The following AGAP3 variants were observed in gnomAD, a reference collection of about 807,000 sequenced individuals.
AGAP3 encodes the protein ArfGAP with GTPase domain, ankyrin repeat and PH domain 3.
AGAP3 carries 24 observed loss-of-function variants against 96.9 expected under a neutral mutation model. The ratio of observed to expected loss-of-function variants is 0.25; its 90% CI spans 0.18 to 0.35. The LOEUF is 0.35. Ranked by LOEUF, AGAP3 falls within the 10% of genes least tolerant of loss-of-function variation. The pLI is 1.00. For missense variants in AGAP3, 876 were observed against 1,254.2 expected (o/e 0.70, Z 4.55); for synonymous variants, 563 against 536.1 (o/e 1.05, Z -0.69).
In AGAP3 at chr7:151,118,769, A is replaced by C. The variant is rs1799721056; in HGVS notation, c.969+137A>C. On this transcript the variant is annotated intron_variant, in intron 7 of 17. Coordinates refer to ENST00000397238, the MANE Select transcript of AGAP3 (RefSeq NM_031946.7). This position sits in a 1 kb window ranked among gnomAD's most constrained non-coding sequence, Gnocchi z 6.1. ...CCTCCCAGCCTTGCATGTTGCTTGG[A>C]AACATTGGTTGGAATTCCATTTAGC... 1.6e-6 allele frequency: 2 copies of C among 1,269,168 alleles called. No individual in the cohort carries two copies. The highest frequency in any genetic ancestry group is 2.9e-5 in the African/African-American group (2 of 67,908). 78.6% of individuals were successfully genotyped at this position (1,269,168 alleles called of 1,614,324 possible).
intron 9 of AGAP3, chr7:151,128,378 T>C: frequency 1.8e-6 from 1 of 544,090 alleles, no homozygotes; most frequent in East Asian, 3.1e-5. Context: ...TGATGGATGA[T>C]GGGGGAGAGC....
chr7:151,122,293 C>CTTTTG (rs1799933425), intron 8 of AGAP3, among the ~76,000 whole-genome samples: 2 of 152,208 alleles, frequency 1.3e-5, no homozygotes, highest in African/African-American at 4.8e-5. Context: ...ACTTTGCTCT[C>CTTTTG]CGGCGGCTCT....
rs1447086097 is a variant in AGAP3, at chr7:151,143,661, C to G, written c.2529+65C>G. ...CTTAGCCTTGTTCTTTGAAAGCAACCTCTTCTTTCCTCCCCTACAACCAAT... is the reference window on the plus strand; with the variant it reads ...CTTAGCCTTGTTCTTTGAAAGCAACGTCTTCTTTCCTCCCCTACAACCAAT... On this transcript the variant is annotated intron_variant, in intron 17 of 17. Transcript: ENST00000397238. This position sits in a 1 kb window ranked among gnomAD's most constrained non-coding sequence, Gnocchi z 5.9. The G allele has an allele frequency of 6.2e-7, 1 of 1,605,150 alleles. No individual in the cohort carries two copies. The highest frequency in any genetic ancestry group is 2.2e-5 in the East Asian group (1 of 44,730).
intron 7 of AGAP3, 35 bp from the exon 8 acceptor site, chr7:151,119,952 C>A (rs1037054493): frequency 3.1e-6 from 5 of 1,609,154 alleles, no homozygotes; most frequent in Admixed American, 3.4e-5. Context: ...CGCCCCTGAC[C>A]CGGAGCTGCC....
rs534549462 is a variant in AGAP3, at chr7:151,121,347, G to GA, written c.1128+1202_1128+1203insA. ...CCATTGAGACATTAGAGCGTGGGGG[G>GA]GGCCGCCTGCTCGAGCCCACACCTG... On this transcript the variant is annotated intron_variant, in intron 8 of 17. Transcript: ENST00000397238. Among the ~76,000 whole-genome samples, 337 of 152,026 alleles carry GA rather than the reference G, an allele frequency of 2.2e-3. 1 individual carries two copies. Among genetic ancestry groups the GA allele is most frequent in the African/African-American group, 7.8e-3 (324 of 41,368 alleles).
chr7:151,100,861 A>T (rs1798809161), intron 1 of AGAP3, among the ~76,000 whole-genome samples: 1 of 152,104 alleles, frequency 6.6e-6, no homozygotes. Context: ...TAATAAAATA[A>T]TAATAATAAA....
rs1040446055 is a variant in AGAP3, at chr7:151,114,687, C to T, written c.332-2106C>T. Reference sequence around the variant, plus strand: ...CACCAGGTGCCCAGAGGCCGGAGGTCCGTGCGCCCCGGCCGCGGCCCCGGC... The same window carrying T: ...CACCAGGTGCCCAGAGGCCGGAGGTTCGTGCGCCCCGGCCGCGGCCCCGGC... On this transcript the variant is annotated intron_variant, in intron 1 of 17. Transcript: ENST00000397238. This position sits in a 1 kb window ranked among gnomAD's most constrained non-coding sequence, Gnocchi z 4.4. 19 of 991,764 alleles carry T rather than the reference C, an allele frequency of 1.9e-5. No individual in the cohort carries two copies. Among genetic ancestry groups the T allele is most frequent in the Admixed American group, 6.1e-5 (1 of 16,528 alleles). 61.4% of individuals were successfully genotyped at this position (991,764 alleles called of 1,614,324 possible).
At chr7:151,127,751 C>A (rs1222318690) in intron 9 of AGAP3, among the ~76,000 whole-genome samples, 1 of 152,192 alleles carries the variant, frequency 6.6e-6, no homozygotes. Context: ...GTAGGTTTCT[C>A]CTGGGAAGGA....
rs2150454099 is a variant in AGAP3, at chr7:151,114,619, T to A, written c.332-2174T>A. 1.3e-6 allele frequency: 1 copy of A among 744,436 alleles called. No homozygotes were observed. Among genetic ancestry groups the A allele is most frequent in the South Asian group, 6.0e-5 (1 of 16,596 alleles). 46.1% of individuals were successfully genotyped at this position (744,436 alleles called of 1,614,324 possible). On this transcript the variant is annotated intron_variant, in intron 1 of 17. Coordinates refer to ENST00000397238, the MANE Select transcript of AGAP3 (RefSeq NM_031946.7). This position sits in a 1 kb window ranked among gnomAD's most constrained non-coding sequence, Gnocchi z 4.4. ...CTCCCGGCCTCTCCAGGTCTGGGCT[T>A]GCCGGCCGCGAGGTGGAGGAGTTGA...
At chr7:151,134,641 T>A in intron 11 of AGAP3, 73 bp downstream of exon 11, 1 of 1,456,804 alleles carries the variant, frequency 6.9e-7, no homozygotes, top group African/African-American at 1.4e-5. Context: ...ATTCTGGGCT[T>A]GGCTGCTTCT....
chr7:151,113,802 G>A (rs954226295), intron 1 of AGAP3, among the ~76,000 whole-genome samples: 10 of 152,218 alleles, frequency 6.6e-5, no homozygotes, highest in African/African-American at 2.2e-4. Flanking sequence ...CTCCAATTCT[G>A]GGTGAGCTCT....
At chr7:151,116,610 AC>A in intron 1 of AGAP3, 182 bp from the exon 2 acceptor site, 1 of 654,676 alleles carries the variant, frequency 1.5e-6, no homozygotes, top group Admixed American at 2.5e-5. Flanking sequence ...ACTCTGCTTC[AC>A]TCAAGAAGAA....
intron 1 of AGAP3, among the ~76,000 whole-genome samples, chr7:151,097,565 A>G (rs539429795): frequency 2.6e-5 from 4 of 151,772 alleles, no homozygotes; most frequent in East Asian, 1.9e-4. Context: ...ATTGGCTGAC[A>G]GTTCAGCAGG....
intron 8 of AGAP3, 66 bp downstream of exon 8, chr7:151,120,211 TC>T (rs1799811445): frequency 1.3e-6 from 2 of 1,513,810 alleles, no homozygotes; most frequent in Non-Finnish European, 1.8e-6. Context: ...AGCGCCGAGC[TC>T]CCAGCCAGGA....
At chr7:151,109,887 T>C (rs1799212766) in intron 1 of AGAP3, among the ~76,000 whole-genome samples, 1 of 152,238 alleles carries the variant, frequency 6.6e-6, no homozygotes, top group African/African-American at 2.4e-5. Flanking sequence ...CTCCTTCTGT[T>C]GCTTGCCCGC....
chr7:151,103,386 A>T (rs1798910387), intron 1 of AGAP3, among the ~76,000 whole-genome samples: 1 of 152,250 alleles, frequency 6.6e-6, no homozygotes, highest in Admixed American at 6.5e-5. Flanking sequence ...TTGGGATGAG[A>T]GATCCTCTTA....
intron 1 of AGAP3, among the ~76,000 whole-genome samples, chr7:151,098,087 G>A (rs1016456441): frequency 4.6e-5 from 7 of 151,994 alleles, no homozygotes; most frequent in African/African-American, 1.2e-4. Flanking sequence ...GACCAAGCGC[G>A]GTGGCTCACA....
At chr7:151,117,342 T>G (rs1456556132) in intron 3 of AGAP3, 29 bp from the exon 4 acceptor site, 2 of 1,613,722 alleles carry the variant, frequency 1.2e-6, no homozygotes, top group Non-Finnish European at 1.7e-6. Context: ...TTCTCCACAC[T>G]TTGGACCTGA....
rs773023571 is a variant in AGAP3, at chr7:151,134,531, C to T, written c.1458C>T (p.Ser486=). 18 of 1,612,740 alleles carry T rather than the reference C, an allele frequency of 1.1e-5. No individual in the cohort carries two copies. The highest frequency in any genetic ancestry group is 6.7e-5 in the East Asian group (3 of 44,878). The change falls in exon 11 of 18, where the codon TCC becomes TCT. Residue 486 remains serine, a synonymous_variant. Coordinates refer to ENST00000397238, the MANE Select transcript of AGAP3 (RefSeq NM_031946.7). ...PGTSPRANGL[S]VERSNTQLGG... is the part of the protein sequence containing the mutation. ...CCAGCCCCCGTGCCAACGGGCTGTCCGTGGAGCGGAGTAACACACAGCTGG... is the reference window on the plus strand; with the variant it reads ...CCAGCCCCCGTGCCAACGGGCTGTCTGTGGAGCGGAGTAACACACAGCTGG...
Sources: gnomAD v4.1 joint callset for allele counts (sites outside exome capture counted in the v4.1 genomes callset) on GRCh38, gnomAD v4.1.1 for gene constraint, Gnocchi (gnomAD v3.1) non-coding constraint, MANE v1.5 for transcripts, NCBI Gene and HGNC (gene_info 2026-07-23, HGNC 2026-07-21) for gene names.